EXT1: variants seen among roughly 807,000 people sequenced by gnomAD.
EXT1 encodes the protein exostosin-1.
EXT1 carries 20 observed loss-of-function variants against 82.5 expected under a neutral mutation model. The ratio of observed to expected loss-of-function variants is 0.24; its 90% CI spans 0.17 to 0.35. EXT1 has a LOEUF of 0.35. EXT1 is among the 10% of genes least tolerant of loss of function. The probability of loss-of-function intolerance (pLI) is 1.00; values close to 1 mark genes in which losing one functional copy is unlikely to be tolerated. For missense variants in EXT1, 757 were observed against 936.5 expected (o/e 0.81, Z 2.50); for synonymous variants, 348 against 350.8 (o/e 0.99, Z 0.09).
At chr8:118,011,304 A>G (rs73325922) in intron 1 of EXT1, among the ~76,000 whole-genome samples, 4,050 of 152,284 alleles carry the variant, frequency 0.027, 159 homozygotes, top group African/African-American at 0.085. Flanking sequence ...CTGTCTCATA[A>G]TACTCCATTC....
intron 1 of EXT1, among the ~76,000 whole-genome samples, chr8:118,009,630 G>A (rs1345509802): frequency 6.6e-6 from 1 of 152,236 alleles, no homozygotes; most frequent in Non-Finnish European, 1.5e-5. Context: ...TGACAGGCAA[G>A]CGAGGATTAC....
chr8:117,859,912 C>T (rs1388667508), intron 1 of EXT1, among the ~76,000 whole-genome samples: 2 of 151,904 alleles, frequency 1.3e-5, no homozygotes, highest in East Asian at 1.9e-4. Context: ...TTTGGGAGGC[C>T]GAGGTGGGCA....
chr8:117,932,813 A>G (rs926741425), intron 1 of EXT1, among the ~76,000 whole-genome samples: 3 of 152,216 alleles, frequency 2.0e-5, no homozygotes, highest in East Asian at 3.8e-4. Context: ...AATGTAAAGT[A>G]AAAAAGAGCT....
chr8:118,000,073 C>T (rs1815629920), intron 1 of EXT1, among the ~76,000 whole-genome samples: 1 of 152,046 alleles, frequency 6.6e-6, no homozygotes, highest in Non-Finnish European at 1.5e-5. Context: ...CTTTTGGATT[C>T]CTTATTCATC....
chr8:117,981,485 A>G (rs1815201871), intron 1 of EXT1, among the ~76,000 whole-genome samples: 1 of 152,222 alleles, frequency 6.6e-6, no homozygotes, highest in Non-Finnish European at 1.5e-5. Flanking sequence ...CTATTCATTT[A>G]ACCAGGTCTC....
intron 1 of EXT1, among the ~76,000 whole-genome samples, chr8:118,045,952 C>T (rs1816615861): frequency 6.6e-6 from 1 of 151,990 alleles, no homozygotes; most frequent in African/African-American, 2.4e-5. Flanking sequence ...CATATCACCA[C>T]ACACAGCTAA....
At chr8:117,906,534 G>C (rs535472418) in intron 1 of EXT1, among the ~76,000 whole-genome samples, 1 of 152,288 alleles carries the variant, frequency 6.6e-6, no homozygotes, top group South Asian at 2.1e-4. Flanking sequence ...ATATCCTCCA[G>C]TATGACAGCT....
intron 1 of EXT1, among the ~76,000 whole-genome samples, chr8:118,056,604 G>A (rs1469967145): frequency 6.6e-6 from 1 of 152,084 alleles, no homozygotes; most frequent in East Asian, 1.9e-4. Flanking sequence ...GGCCCTGGGT[G>A]AAGGAGAGAA....
intron 1 of EXT1, among the ~76,000 whole-genome samples, chr8:117,855,574 G>A (rs777520318): frequency 6.6e-6 from 1 of 152,112 alleles, no homozygotes; most frequent in African/African-American, 2.4e-5. Flanking sequence ...GGGCCTCCTT[G>A]TTCCCTGAGA....
At chr8:117,939,584 A>G (rs1814234936) in intron 1 of EXT1, among the ~76,000 whole-genome samples, 1 of 151,108 alleles carries the variant, frequency 6.6e-6, no homozygotes, top group African/African-American at 2.4e-5. Context: ...AAAAAAAAAA[A>G]AAGAAAAAGA....
intron 1 of EXT1, among the ~76,000 whole-genome samples, chr8:117,970,238 C>G (rs940925635): frequency 7.9e-5 from 12 of 152,070 alleles, no homozygotes; most frequent in African/African-American, 2.9e-4. Flanking sequence ...CCCAGAGAAC[C>G]TACACCTGGG....
intron 1 of EXT1, among the ~76,000 whole-genome samples, chr8:117,840,613 A>G (rs1159056325): frequency 1.3e-5 from 2 of 151,578 alleles, no homozygotes; most frequent in African/African-American, 2.4e-5. Flanking sequence ...ACTCTATCTC[A>G]AAAAGAAAAA....
At chr8:117,835,705 G>A (rs1812178824) in intron 2 of EXT1, among the ~76,000 whole-genome samples, 154 bp from the exon 3 acceptor site, 1 of 152,186 alleles carries the variant, frequency 6.6e-6, no homozygotes, top group African/African-American at 2.4e-5. Flanking sequence ...GCTTTTATGA[G>A]TTATCAAGTC....
chr8:117,859,227 A>G (rs140904996), intron 1 of EXT1, among the ~76,000 whole-genome samples: 437 of 152,322 alleles, frequency 2.9e-3, no homozygotes, highest in African/African-American at 9.7e-3. Context: ...CAAACACACA[A>G]TATCTCTGAC....
intron 1 of EXT1, among the ~76,000 whole-genome samples, chr8:117,933,023 C>T (rs1423827815): frequency 2.0e-5 from 3 of 152,100 alleles, no homozygotes; most frequent in East Asian, 1.9e-4. Context: ...AAGCTCTCAC[C>T]TGTCTCAGGG....
intron 1 of EXT1, among the ~76,000 whole-genome samples, chr8:117,860,690 C>A (rs1812667281): frequency 6.6e-6 from 1 of 152,196 alleles, no homozygotes; most frequent in South Asian, 2.1e-4. Flanking sequence ...CCAACATTTT[C>A]AAATCATGAG....
chr8:117,866,334 C>T (rs1301661385), intron 1 of EXT1, among the ~76,000 whole-genome samples: 1 of 152,160 alleles, frequency 6.6e-6, no homozygotes, highest in Non-Finnish European at 1.5e-5. Flanking sequence ...CTGATAAAAA[C>T]TGAGGCACAG....
intron 1 of EXT1, among the ~76,000 whole-genome samples, chr8:117,963,467 T>TGTG (rs1268505055): frequency 7.9e-5 from 12 of 152,070 alleles, no homozygotes; most frequent in Admixed American, 7.2e-4. Flanking sequence ...CGAGTTTTGT[T>TGTG]GTGGTGGTGG....
chr8:118,096,652 AAGGAAGGAAGGAAGGAAGGAAGGG>A lies in EXT1; in HGVS notation c.962+13409_962+13432del, dbSNP rs1283301551. Among the ~76,000 whole-genome samples, 212 of 113,594 alleles carry A rather than the reference AAGGAAGGAAGGAAGGAAGGAAGGG, an allele frequency of 1.9e-3. 5 individuals are homozygous for A. The highest frequency in any genetic ancestry group is 7.2e-3 in the African/African-American group (199 of 27,704). The allele number at this position is 113,594 out of a possible 152,430, so 74.5% of individuals were successfully genotyped here. On this transcript the variant is annotated intron_variant, in intron 1 of 10. Transcript: ENST00000378204. ...GAAGGAAGGAAGGAAGGAAGGAAGG[AAGGAAGGAAGGAAGGAAGGAAGGG>A]AGGGAGGGAGGGAGGGAAGGAGGGA...
Sources: allele counts gnomAD v4.1 joint callset (sites outside exome capture counted in the v4.1 genomes callset), GRCh38; gene constraint gnomAD v4.1.1; transcripts MANE v1.5; gene names NCBI Gene and HGNC (gene_info 2026-07-23, HGNC 2026-07-21).